Variants in NAPA observed in about 807,000 individuals in gnomAD.
NAPA encodes alpha-soluble NSF attachment protein.
A neutral mutation model predicts 48.0 loss-of-function variants in NAPA; 18 were observed. The observed-to-expected ratio is 0.38, with a 90% confidence interval of 0.26 to 0.56. The LOEUF (loss-of-function observed/expected upper bound fraction) is 0.56, where lower values mean the gene tolerates loss of function less well. Among genes scored for constraint, NAPA ranks in the 20% least tolerant of loss-of-function variants. The pLI, the probability that NAPA is intolerant of heterozygous loss-of-function variation, is 0.77. For missense variants in NAPA, 315 were observed against 385.0 expected, an observed-to-expected ratio of 0.82 and a Z score of 1.52; for synonymous variants, 152 against 149.9, an observed-to-expected ratio of 1.01 and a Z score of -0.10.
At chr19:47,485,806 C>T (rs1968056743), downstream of NAPA, among the ~76,000 whole-genome samples, 1 of 152,152 alleles carries the variant, frequency 6.6e-6, no homozygotes, top group Non-Finnish European at 1.5e-5. Context: ...TCTGGGAATG[C>T]CGTCAGTGCT....
intron 9 of NAPA, 127 bp from the exon 10 acceptor site, chr19:47,489,888 G>T: frequency 1.1e-6 from 1 of 882,164 alleles, no homozygotes; most frequent in Non-Finnish European, 1.8e-6. Context: ...CTCTCAGAGG[G>T]TCAATCCGTG....
intron 1 of NAPA, among the ~76,000 whole-genome samples, chr19:47,513,696 G>A (rs1200253590): frequency 6.6e-6 from 1 of 151,702 alleles, no homozygotes; most frequent in Admixed American, 6.6e-5. Context: ...CACACAGCAG[G>A]AATTTGATCC....
rs1248918809 is a variant in NAPA, at chr19:47,509,335, AAAATAAAATAAAAT to A, written c.98+5494_98+5507del. 9.9e-3 allele frequency among the ~76,000 whole-genome samples: 806 copies of A among 81,566 alleles called. 5 individuals are homozygous for A. Among genetic ancestry groups the A allele is most frequent in the Non-Finnish European group, 0.021 (610 of 28,876 alleles). The allele number at this position is 81,566 out of a possible 152,430, so 53.5% of individuals were successfully genotyped here. ...AAAATAAAATAAAATAAAATAAAAT[AAAATAAAATAAAAT>A]AAATAAAATAAAATAAAATAAAATA... On this transcript the variant is annotated intron_variant, in intron 1 of 10. Transcript: ENST00000263354.
chr19:47,495,460 G>T (rs1968395994), intron 4 of NAPA, 90 bp downstream of exon 4: 13 of 1,400,136 alleles, frequency 9.3e-6, no homozygotes, highest in Middle Eastern at 2.0e-4. Context: ...CGCAGAATAA[G>T]AACAGTGCTG....
intron 1 of NAPA, among the ~76,000 whole-genome samples, chr19:47,504,168 C>T (rs1474206132): frequency 5.9e-5 from 9 of 151,708 alleles, no homozygotes; most frequent in Admixed American, 5.2e-4. Flanking sequence ...CCAAGGTTGG[C>T]GGATTGCTTG....
At chr19:47,490,412 G>A (rs1968220613) in intron 9 of NAPA, among the ~76,000 whole-genome samples, 1 of 144,156 alleles carries the variant, frequency 6.9e-6, no homozygotes, top group Non-Finnish European at 1.5e-5. Flanking sequence ...TGTGTGTAGC[G>A]TGTGGTGTGA....
In NAPA at chr19:47,493,328, C is replaced by T; in HGVS notation, c.420+88G>A. On this transcript the variant is annotated intron_variant, in intron 5 of 10. Transcript: ENST00000263354. The surrounding 1 kb of genome is among the most constrained non-coding windows in gnomAD (Gnocchi z 6.4). ...CGCCCCATGCCCCCTTCTCGGCACT[C>T]AGACACCAGAGGACTCCCCTGGTGG... The T allele has an allele frequency of 3.9e-6, 6 of 1,529,806 alleles. No homozygotes were observed. Among genetic ancestry groups the T allele is most frequent in the Non-Finnish European group, 5.4e-6 (6 of 1,109,272 alleles). The allele number at this position is 1,529,806 out of a possible 1,614,324, so 94.8% of individuals were successfully genotyped here.
intron 3 of NAPA, 67 bp downstream of exon 3, chr19:47,500,566 G>C (rs372570491): frequency 7.7e-7 from 1 of 1,302,272 alleles, no homozygotes. Flanking sequence ...GAAACCTGAG[G>C]AATCAATGCA....
chr19:47,487,561 G>C (rs1388425602), downstream of NAPA: 2 of 152,386 alleles, frequency 1.3e-5, no homozygotes, highest in Admixed American at 1.3e-4. Context: ...CAGAGTCTGG[G>C]GGACCAGGAG....
chr19:47,512,828 G>C (rs1292347884), intron 1 of NAPA: 2 of 152,258 alleles, frequency 1.3e-5, no homozygotes, highest in African/African-American at 4.8e-5. Context: ...GCGTGGCCTA[G>C]AGCCCTTTTC....
At chr19:47,496,676 C>G (rs1968431931) in intron 3 of NAPA, 1 of 287,180 alleles carries the variant, frequency 3.5e-6, no homozygotes, top group Non-Finnish European at 7.1e-6. Context: ...GAGGGTGCTA[C>G]CAAGAAGCGC....
intron 1 of NAPA, among the ~76,000 whole-genome samples, chr19:47,507,795 T>C (rs559394275): frequency 6.6e-6 from 1 of 152,162 alleles, no homozygotes; most frequent in African/African-American, 2.4e-5. Flanking sequence ...CGAGAGCCCT[T>C]TGGGTGCTGC....
rs748094656 is a variant in NAPA at position 47,500,679 on chromosome 19, G to C, written c.249C>G (p.Thr83=). The C allele has an allele frequency of 6.2e-7, 1 of 1,612,042 alleles. No homozygotes were observed. Among genetic ancestry groups the C allele is most frequent in the African/African-American group, 1.3e-5 (1 of 74,832 alleles). The change falls in exon 3 of 11, where the codon ACC becomes ACG. Residue 83 remains threonine, a synonymous_variant. Coordinates refer to ENST00000263354, the MANE Select transcript of NAPA (RefSeq NM_003827.4). ...ATGCGTTGCCAGCGTCCACAAAGCA[G>C]GTGGCTGCGTCGTGCTTGCTCTGGA... ...LQLQSKHDAA[T]CFVDAGNAFK...
chr19:47,494,630 CGA>C (rs1315866419), intron 4 of NAPA, among the ~76,000 whole-genome samples: 1 of 149,038 alleles, frequency 6.7e-6, no homozygotes, highest in Non-Finnish European at 1.5e-5. Flanking sequence ...CCCAGCTACT[CGA>C]GAGGCTAGGG....
In NAPA at chr19:47,489,780, G is replaced by A. The variant is rs1201729823; in HGVS notation, c.736-19C>T. 6.2e-7 allele frequency: 1 copy of A among 1,613,884 alleles called. No homozygotes were observed. The highest frequency in any genetic ancestry group is 1.7e-5 in the Admixed American group (1 of 60,014). On this transcript the variant is annotated intron_variant, in intron 9 of 10. Transcript: ENST00000263354. ...GCAATTTCTGCAAGCAAATGGCAGA[G>A]AGGGGTCAGGGGCCTATGCTGACCT...
chr19:47,510,207 C>G (rs1365877761), intron 1 of NAPA, among the ~76,000 whole-genome samples: 1 of 152,218 alleles, frequency 6.6e-6, no homozygotes, highest in Admixed American at 6.5e-5. Context: ...GGAGAGAAAT[C>G]TGGAAGCTCG....
Position 47,515,057 on chromosome 19 carries a change from G to C in NAPA, c.-117C>G. On this transcript the variant is annotated 5_prime_UTR_variant, in exon 1 of 11. Coordinates refer to ENST00000263354, the MANE Select transcript of NAPA (RefSeq NM_003827.4). Reference sequence around the variant, plus strand: ...CGCCCGGCTGCGTTGACGTCGCACCGGCGCGCGTCGCTTGCGGCCAGGAAC... The same window carrying C: ...CGCCCGGCTGCGTTGACGTCGCACCCGCGCGCGTCGCTTGCGGCCAGGAAC... The C allele has an allele frequency of 9.5e-7, 1 of 1,052,562 alleles. No individual in the cohort carries two copies. The highest frequency in any genetic ancestry group is 1.4e-6 in the Non-Finnish European group (1 of 732,152). 65.2% of individuals were successfully genotyped at this position (1,052,562 alleles called of 1,614,324 possible). A position where few individuals can be genotyped will look rare whatever the true frequency, so the allele number is the denominator to read the frequency against.
chr19:47,493,309 A>G lies in NAPA; in HGVS notation c.420+107T>C. 2.0e-6 allele frequency: 3 copies of G among 1,500,154 alleles called. No individual in the cohort carries two copies. The highest frequency in any genetic ancestry group is 1.2e-5 in the South Asian group (1 of 85,998). 92.9% of individuals were successfully genotyped at this position (1,500,154 alleles called of 1,614,324 possible). ...ATTCTCCAAGCTCTGCCGGCGCCCC[A>G]TGCCCCCTTCTCGGCACTCAGACAC... is the stretch of plus-strand genomic sequence containing the variant. On this transcript the variant is annotated intron_variant, in intron 5 of 10. Transcript: ENST00000263354. This position sits in a 1 kb window ranked among gnomAD's most constrained non-coding sequence, Gnocchi z 6.4.
At chr19:47,486,400 G>T (rs1008610354), downstream of NAPA, among the ~76,000 whole-genome samples, 6 of 152,102 alleles carry the variant, frequency 3.9e-5, no homozygotes, top group East Asian at 5.8e-4. Context: ...GGAAACCTCA[G>T]TCAAACCACA....
Sources: gnomAD v4.1 joint callset for allele counts (sites outside exome capture counted in the v4.1 genomes callset) on GRCh38, gnomAD v4.1.1 for gene constraint, Gnocchi (gnomAD v3.1) non-coding constraint, MANE v1.5 for transcripts, NCBI Gene and HGNC (gene_info 2026-07-23, HGNC 2026-07-21) for gene names.